The following EPHA3 variants were observed in gnomAD, a reference collection of about 807,000 sequenced individuals.
The protein encoded by EPHA3 is EPH receptor A3.
A neutral mutation model predicts 107.1 loss-of-function variants in EPHA3; 42 were observed. That is an observed-to-expected ratio of 0.39 (90% confidence interval 0.31 to 0.51). EPHA3 has a LOEUF of 0.51. EPHA3 is among the 20% of genes least tolerant of loss of function. The pLI is 0.78. For synonymous variants in EPHA3, 461 were observed against 424.8 expected, an observed-to-expected ratio of 1.09 and a Z score of -1.05; for missense variants, 1,183 against 1,211.2, an observed-to-expected ratio of 0.98 and a Z score of 0.35.
chr3:89,262,962 TC>T (rs1188168541), intron 3 of EPHA3, among the ~76,000 whole-genome samples: 3 of 113,862 alleles, frequency 2.6e-5, no homozygotes, highest in African/African-American at 3.8e-5. Flanking sequence ...GTTACAGCGC[TC>T]TTTTTTTTTT....
chr3:89,162,473 C>G (rs1415942336), intron 2 of EPHA3, among the ~76,000 whole-genome samples: 1 of 152,134 alleles, frequency 6.6e-6, no homozygotes, highest in Non-Finnish European at 1.5e-5. Flanking sequence ...TAAAATGTTC[C>G]TTCACTCAGT....
intron 3 of EPHA3, among the ~76,000 whole-genome samples, chr3:89,326,432 A>G (rs778411109): frequency 6.6e-6 from 1 of 152,134 alleles, no homozygotes; most frequent in Non-Finnish European, 1.5e-5. Flanking sequence ...TCTCTTGCCC[A>G]GGCTGGAGTG....
intron 15 of EPHA3, among the ~76,000 whole-genome samples, chr3:89,455,378 G>T (rs1303812791): frequency 2.0e-5 from 3 of 152,144 alleles, no homozygotes; most frequent in African/African-American, 7.2e-5. Flanking sequence ...GATGAGAAAG[G>T]GTTTGGAGAG....
At chr3:89,286,405 G>A (rs1482947040) in intron 3 of EPHA3, among the ~76,000 whole-genome samples, 1 of 151,946 alleles carries the variant, frequency 6.6e-6, no homozygotes, top group African/African-American at 2.4e-5. Flanking sequence ...TGTTTCCTCT[G>A]GCTCTGTGTT....
intron 13 of EPHA3, among the ~76,000 whole-genome samples, chr3:89,445,312 AG>A (rs775165760): frequency 2.0e-5 from 3 of 152,196 alleles, no homozygotes; most frequent in Non-Finnish European, 4.4e-5. Flanking sequence ...CTTCTTCTAA[AG>A]AAAGAGTTTA....
chr3:89,412,517 A>G (rs1369804482), intron 9 of EPHA3, among the ~76,000 whole-genome samples: 1 of 151,572 alleles, frequency 6.6e-6, no homozygotes, highest in South Asian at 2.1e-4. Flanking sequence ...TGTATGTATT[A>G]TATATACACA....
rs1460106054 is a variant in EPHA3, at chr3:89,340,974, G to A, written c.873G>A (p.Pro291=). The A allele has an allele frequency of 5.0e-6, 8 of 1,614,106 alleles. No individual in the cohort carries two copies. The highest frequency in any genetic ancestry group is 4.5e-5 in the East Asian group (2 of 44,882). The change falls in exon 4 of 17, where the codon CCG becomes CCA. Residue 291 remains proline, a synonymous_variant. Coordinates refer to ENST00000336596, the MANE Select transcript of EPHA3 (RefSeq NM_005233.6). Reference sequence around the variant, plus strand: ...GTAATATGAAGTGTGCTAAGTGCCCGCCTCACAGTTCTACTCAGGAAGATG... The same window carrying A: ...GTAATATGAAGTGTGCTAAGTGCCCACCTCACAGTTCTACTCAGGAAGATG... ...LDGNMKCAKC[P]PHSSTQEDGS... is the part of the protein sequence containing the mutation.
intron 13 of EPHA3, among the ~76,000 whole-genome samples, chr3:89,433,304 TA>T (rs143380936): frequency 1.1e-4 from 17 of 148,450 alleles, no homozygotes; most frequent in South Asian, 4.3e-4. Context: ...TATTCCCGAT[TA>T]AAAAAAAAAG....
chr3:89,219,401 G>T (rs899318975), intron 3 of EPHA3, among the ~76,000 whole-genome samples: 6 of 151,986 alleles, frequency 3.9e-5, no homozygotes, highest in Admixed American at 6.6e-5. Flanking sequence ...CACCTCAGGT[G>T]ATCTGCCTGC....
chr3:89,199,753 AGTCT>A (rs1705927612), intron 2 of EPHA3, among the ~76,000 whole-genome samples: 1 of 152,016 alleles, frequency 6.6e-6, no homozygotes, highest in Admixed American at 6.6e-5. Flanking sequence ...TTTTCCTGTA[AGTCT>A]GTCATTGGTC....
chr3:89,171,060 C>T (rs1056659985), intron 2 of EPHA3, among the ~76,000 whole-genome samples: 1 of 151,566 alleles, frequency 6.6e-6, no homozygotes, highest in African/African-American at 2.4e-5. Context: ...TATGGGCATG[C>T]ATTTTCAGAT....
intron 7 of EPHA3, among the ~76,000 whole-genome samples, chr3:89,401,774 A>T (rs1457673246): frequency 6.6e-6 from 1 of 151,792 alleles, no homozygotes; most frequent in Non-Finnish European, 1.5e-5. Flanking sequence ...CGTCTGGCTA[A>T]TTTTTTTTGT....
intron 13 of EPHA3, among the ~76,000 whole-genome samples, chr3:89,436,391 T>C (rs995909595): frequency 2.0e-5 from 3 of 152,216 alleles, no homozygotes; most frequent in African/African-American, 7.2e-5. Context: ...TAATAAAGTT[T>C]AACGCAGTTC....
intron 5 of EPHA3, among the ~76,000 whole-genome samples, chr3:89,380,971 G>GTTGTTTTTT (rs1708491607): frequency 3.3e-5 from 5 of 151,338 alleles, no homozygotes; most frequent in African/African-American, 1.2e-4. Context: ...GCTATAGGCT[G>GTTGTTTTTT]TTTGTTTGTT....
At chr3:89,191,758 G>A (rs1370921440) in intron 2 of EPHA3, among the ~76,000 whole-genome samples, 1 of 152,008 alleles carries the variant, frequency 6.6e-6, no homozygotes, top group African/African-American at 2.4e-5. Flanking sequence ...GACTCACCTG[G>A]CAAACAACGA....
intron 3 of EPHA3, among the ~76,000 whole-genome samples, chr3:89,337,394 T>A (rs1182551322): frequency 6.6e-6 from 1 of 152,228 alleles, no homozygotes; most frequent in East Asian, 1.9e-4. Flanking sequence ...GCTTCAATTG[T>A]ACAGTCTATA....
intron 7 of EPHA3, among the ~76,000 whole-genome samples, chr3:89,402,921 G>T (rs894024500): frequency 6.6e-6 from 1 of 152,016 alleles, no homozygotes; most frequent in Non-Finnish European, 1.5e-5. Context: ...CAAGTAATCC[G>T]ACTGCCTTGG....
At chr3:89,205,950 G>A (rs928555311) in intron 2 of EPHA3, among the ~76,000 whole-genome samples, 10 of 151,946 alleles carry the variant, frequency 6.6e-5, no homozygotes, top group African/African-American at 2.2e-4. Flanking sequence ...CATTTACAAA[G>A]CATGAGCATT....
At chr3:89,270,989 A>G (rs1460668268) in intron 3 of EPHA3, among the ~76,000 whole-genome samples, 1 of 151,998 alleles carries the variant, frequency 6.6e-6, no homozygotes, top group Non-Finnish European at 1.5e-5. Context: ...ATTGGTCTTA[A>G]TAATACTTTT....
Sources: allele counts gnomAD v4.1 joint callset (sites outside exome capture counted in the v4.1 genomes callset), GRCh38; gene constraint gnomAD v4.1.1; transcripts MANE v1.5; gene names NCBI Gene and HGNC (gene_info 2026-07-23, HGNC 2026-07-21).